The following CHLSN variants were observed in gnomAD, a reference collection of about 807,000 sequenced individuals.
The protein encoded by CHLSN is cholesin, also known as protein cholesin.
At chr7:1,059,986 TTAGTGGGGCGGGTCTG>T in the CHLSN span, among the ~76,000 whole-genome samples, 8 of 63,096 alleles carry the variant, frequency 1.3e-4, no homozygotes, top group Admixed American at 1.9e-4. Flanking sequence ...GGGGCGGGTC[TTAGTGGGGCGGGTCTG>T]TAGTGGGGCG....
At chr7:1,020,255 C>T in the CHLSN span, among the ~76,000 whole-genome samples, 1 of 152,206 alleles carries the variant, frequency 6.6e-6, no homozygotes, top group African/African-American at 2.4e-5. Flanking sequence ...CAGCCTCTGC[C>T]CTCCTGGGGC....
the CHLSN span, chr7:997,853 C>G: frequency 6.6e-7 from 1 of 1,505,084 alleles, no homozygotes; most frequent in Non-Finnish European, 9.1e-7. Context: ...AGGGAGGGGC[C>G]GCTGAACAGC....
At chr7:1,087,512 A>G in the CHLSN span, among the ~76,000 whole-genome samples, 1 of 152,236 alleles carries the variant, frequency 6.6e-6, no homozygotes, top group African/African-American at 2.4e-5. Context: ...TGCATAAAAC[A>G]AACTTTGAAC....
the CHLSN span, chr7:1,059,357 T>G: frequency 6.5e-6 from 1 of 153,248 alleles, no homozygotes; most frequent in Non-Finnish European, 1.5e-5. Context: ...AGGGCCAGGG[T>G]GGAACCTTAG....
chr7:1,049,964 A>C, the CHLSN span, among the ~76,000 whole-genome samples: 2 of 151,994 alleles, frequency 1.3e-5, no homozygotes, highest in Non-Finnish European at 2.9e-5. Flanking sequence ...CCCCACCCCA[A>C]CAAGGAGAGC....
At chr7:1,136,628 AAAT>A in the CHLSN span, among the ~76,000 whole-genome samples, 4 of 145,572 alleles carry the variant, frequency 2.7e-5, no homozygotes, top group Admixed American at 2.1e-4. Flanking sequence ...ATATAAAAAT[AAAT>A]ATATATATGC....
chr7:1,010,580 C>T, the CHLSN span, among the ~76,000 whole-genome samples: 7 of 152,214 alleles, frequency 4.6e-5, no homozygotes. Context: ...AGGACGGTGC[C>T]TGGGGCCTGC....
the CHLSN span, chr7:988,399 C>T: frequency 6.2e-7 from 1 of 1,612,650 alleles, no homozygotes; most frequent in Non-Finnish European, 8.5e-7. Flanking sequence ...AGCGGGAGGC[C>T]TTCCTGCCTT....
At chr7:984,836 T>C in the CHLSN span, 1 of 1,388,300 alleles carries the variant, frequency 7.2e-7, no homozygotes. Context: ...GGGATGGGGG[T>C]GAGGGCCCAG....
chr7:1,089,430 G>C, the CHLSN span, among the ~76,000 whole-genome samples: 3 of 54,186 alleles, frequency 5.5e-5, no homozygotes, highest in African/African-American at 2.0e-4. Context: ...GATCTCGGCT[G>C]AGGCTCGAGT....
chr7:1,013,143 C>T, the CHLSN span, among the ~76,000 whole-genome samples: 25 of 152,194 alleles, frequency 1.6e-4, no homozygotes, highest in Admixed American at 3.9e-4. Flanking sequence ...GTGTCTGGCC[C>T]GGAGAGCACA....
chr7:1,133,903 C>A, the CHLSN span, among the ~76,000 whole-genome samples: 1 of 152,212 alleles, frequency 6.6e-6, no homozygotes, highest in African/African-American at 2.4e-5. Context: ...ACCACCCAGG[C>A]TCAAGCAATC....
the CHLSN span, chr7:1,023,063 C>A: frequency 3.1e-5 from 14 of 446,530 alleles, no homozygotes; most frequent in Non-Finnish European, 5.0e-5. This position sits in a 1 kb window ranked among gnomAD's most constrained non-coding sequence, Gnocchi z 5.0. Context: ...GCCACCCCTG[C>A]AGAGCATGGG....
chr7:1,004,592 C>T, the CHLSN span, among the ~76,000 whole-genome samples: 4,177 of 152,264 alleles, frequency 0.027, 151 homozygotes, highest in African/African-American at 0.084. Context: ...TGAGCCGTCC[C>T]GCTCTTGGCC....
the CHLSN span, among the ~76,000 whole-genome samples, chr7:1,012,958 G>A: frequency 1.9e-4 from 29 of 152,346 alleles, 1 homozygote; most frequent in South Asian, 2.9e-3. Flanking sequence ...TGACACAGGC[G>A]GGCCCCGGGA....
At chr7:1,122,978 GT>G in the CHLSN span, among the ~76,000 whole-genome samples, 1 of 152,142 alleles carries the variant, frequency 6.6e-6, no homozygotes, top group Non-Finnish European at 1.5e-5. Flanking sequence ...GGGAGCAACT[GT>G]TCCTCCTGCC....
chr7:986,717 C>T, the CHLSN span: 1 of 1,611,754 alleles, frequency 6.2e-7, no homozygotes, highest in Non-Finnish European at 8.5e-7. Flanking sequence ...TCTGAGGACC[C>T]TCCTGGAGGC....
the CHLSN span, among the ~76,000 whole-genome samples, chr7:1,053,047 A>AG: frequency 2.0e-5 from 3 of 152,226 alleles, no homozygotes; most frequent in Admixed American, 2.0e-4. Flanking sequence ...CTGACGGGAA[A>AG]GAAGGCACAG....
chr7:1,111,885 C>T, the CHLSN span, among the ~76,000 whole-genome samples: 30 of 152,190 alleles, frequency 2.0e-4, no homozygotes, highest in Middle Eastern at 6.8e-3. Flanking sequence ...GCAAACATGC[C>T]CACTGCAGAA....
Sources: gnomAD v4.1 joint callset for allele counts (sites outside exome capture counted in the v4.1 genomes callset) on GRCh38, gnomAD v4.1.1 for gene constraint, Gnocchi (gnomAD v3.1) non-coding constraint, MANE v1.5 for transcripts, NCBI Gene and HGNC (gene_info 2026-07-23, HGNC 2026-07-21) for gene names.